WDPCP: variants seen among roughly 807,000 people sequenced by gnomAD.
WDPCP encodes the protein WD repeat containing planar cell polarity effector, also known as WD repeat-containing and planar cell polarity effector protein fritz homolog.
WDPCP carries 71 observed loss-of-function variants against 93.1 expected under a neutral mutation model. The ratio of observed to expected loss-of-function variants is 0.76; its 90% CI spans 0.63 to 0.93. The LOEUF is 0.93. WDPCP is among the 40% of genes least tolerant of loss of function. WDPCP has a pLI of 0.00. For missense variants in WDPCP, 844 were observed against 887.4 expected (o/e 0.95, Z 0.62); for synonymous variants, 315 against 315.0 (o/e 1.00, Z 0.00).
intron 1 of WDPCP, among the ~76,000 whole-genome samples, chr2:63,542,740 A>G (rs1704838999): frequency 6.6e-6 from 1 of 152,314 alleles, no homozygotes; most frequent in East Asian, 1.9e-4. Context: ...ACAAACCATG[A>G]GCAATGGCCC....
chr2:63,477,376 A>G (rs1389524030), intron 6 of WDPCP, among the ~76,000 whole-genome samples: 1 of 152,186 alleles, frequency 6.6e-6, no homozygotes, highest in Non-Finnish European at 1.5e-5. Flanking sequence ...AACTAAAACT[A>G]TATATCTCAT....
chr2:63,434,507 G>A (rs1163283115), intron 8 of WDPCP, among the ~76,000 whole-genome samples: 2 of 152,116 alleles, frequency 1.3e-5, no homozygotes, highest in East Asian at 1.9e-4. Context: ...GGCAGGATTT[G>A]TAGAATTTAT....
chr2:63,549,683 T>A (rs1222454773), intron 1 of WDPCP, among the ~76,000 whole-genome samples: 1 of 152,112 alleles, frequency 6.6e-6, no homozygotes, highest in East Asian at 1.9e-4. Context: ...GGAGAATCAC[T>A]TGAACCAGGG....
At chr2:63,529,906 C>A (rs1021697131) in intron 1 of WDPCP, among the ~76,000 whole-genome samples, 4 of 152,186 alleles carry the variant, frequency 2.6e-5, no homozygotes, top group African/African-American at 4.8e-5. Context: ...AGGGATTCAA[C>A]TTCTTCCTGG....
intron 13 of WDPCP, among the ~76,000 whole-genome samples, chr2:63,276,350 C>T (rs1398317349): frequency 6.6e-6 from 1 of 152,130 alleles, no homozygotes; most frequent in Non-Finnish European, 1.5e-5. Flanking sequence ...CATACCAGCT[C>T]ACCAGTAATG....
intron 6 of WDPCP, among the ~76,000 whole-genome samples, chr2:63,461,029 C>T (rs1216249431): frequency 1.3e-5 from 2 of 152,148 alleles, no homozygotes; most frequent in African/African-American, 4.8e-5. Flanking sequence ...GAAGAGACAA[C>T]TGATAGTCTG....
intron 2 of WDPCP, among the ~76,000 whole-genome samples, chr2:63,713,981 G>T (rs989314086): frequency 6.6e-6 from 1 of 151,688 alleles, no homozygotes. Context: ...GTATATTTTG[G>T]TTCTGTCTGT....
the WDPCP span, among the ~76,000 whole-genome samples, chr2:63,833,899 C>T: frequency 6.6e-6 from 1 of 151,984 alleles, no homozygotes; most frequent in South Asian, 2.1e-4. Context: ...CTTGCTTGGC[C>T]TCAAATTCTC....
chr2:63,607,141 A>ACGATAAACTGTCATT, intron 3 of WDPCP: 1 of 616,158 alleles, frequency 1.6e-6, no homozygotes, highest in Non-Finnish European at 2.6e-6. Context: ...TTTGTGAATG[A>ACGATAAACTGTCATT]CAGTTTATCG....
chr2:63,762,470 G>A (rs1192224291), intron 2 of WDPCP, among the ~76,000 whole-genome samples: 1 of 152,172 alleles, frequency 6.6e-6, no homozygotes, highest in African/African-American at 2.4e-5. Flanking sequence ...GCAGGACAAT[G>A]TATGGTCTTT....
chr2:63,708,813 T>C (rs184419353), intron 2 of WDPCP, among the ~76,000 whole-genome samples: 2,754 of 151,976 alleles, frequency 0.018, 82 homozygotes, highest in African/African-American at 0.063. Flanking sequence ...GGTTTCATCG[T>C]GTTAGCCAGA....
At chr2:63,627,340 G>A (rs889954232) in intron 3 of WDPCP, among the ~76,000 whole-genome samples, 1 of 152,188 alleles carries the variant, frequency 6.6e-6, no homozygotes, top group Admixed American at 6.5e-5. Context: ...GAGACATAGA[G>A]AAACTTCTTT....
chr2:63,705,442 T>C (rs1223996562), intron 2 of WDPCP, among the ~76,000 whole-genome samples: 2 of 152,200 alleles, frequency 1.3e-5, no homozygotes, highest in East Asian at 3.8e-4. Flanking sequence ...TTTAGTGCTA[T>C]AAATTTCCCT....
At chr2:63,323,059 T>C (rs1352635321) in intron 12 of WDPCP, among the ~76,000 whole-genome samples, 1 of 152,092 alleles carries the variant, frequency 6.6e-6, no homozygotes, top group Admixed American at 6.5e-5. Flanking sequence ...ACTTCTGGAC[T>C]GAGCCCAGGG....
chr2:63,240,297 C>T (rs1183446108), intron 14 of WDPCP, among the ~76,000 whole-genome samples: 1 of 152,072 alleles, frequency 6.6e-6, no homozygotes, highest in Non-Finnish European at 1.5e-5. Flanking sequence ...CCTACCTCAG[C>T]CTCCCAAGTA....
chr2:63,545,761 A>G (rs1255681041), intron 1 of WDPCP, among the ~76,000 whole-genome samples: 1 of 151,966 alleles, frequency 6.6e-6, no homozygotes, highest in Non-Finnish European at 1.5e-5. Context: ...GAAGGTACAC[A>G]AGAATATGAC....
At chr2:63,229,589 C>T (rs999096347) in intron 14 of WDPCP, 2 of 151,988 alleles carry the variant, frequency 1.3e-5, no homozygotes, top group African/African-American at 4.8e-5. Context: ...AGTCTTTAAT[C>T]CATCTTGAAT....
At chr2:63,684,604 CT>C in intron 2 of WDPCP, 1 of 719,466 alleles carries the variant, frequency 1.4e-6, no homozygotes, top group Non-Finnish European at 2.6e-6. Context: ...GTAAGGATGT[CT>C]TCAGAGATCC....
intron 11 of WDPCP, 95 bp from the exon 12 acceptor site, chr2:63,378,604 T>C (rs988940977): frequency 1.3e-6 from 2 of 1,540,300 alleles, no homozygotes; most frequent in African/African-American, 2.7e-5. Context: ...TTTTGCAGAC[T>C]TGGATGAAAC....
Sources: gnomAD v4.1 joint callset for allele counts (sites outside exome capture counted in the v4.1 genomes callset) on GRCh38, gnomAD v4.1.1 for gene constraint, MANE v1.5 for transcripts, NCBI Gene and HGNC (gene_info 2026-07-23, HGNC 2026-07-21) for gene names.